Variants in SPO11 observed in about 807,000 individuals in gnomAD.
SPO11 encodes SPO11 initiator of meiotic double strand breaks.
In SPO11, 49 loss-of-function variants were observed where a neutral mutation model predicts 51.6. The observed-to-expected ratio is 0.95, with a 90% CI of 0.75 to 1.20. SPO11 has a LOEUF of 1.20. Among genes scored for constraint, SPO11 ranks in the 50% most tolerant of loss-of-function variants. The pLI is 0.00. For synonymous variants in SPO11, 176 were observed against 158.2 expected (o/e 1.11, Z -0.84); for missense variants, 431 against 473.4 (o/e 0.91, Z 0.83).
chr20:57,333,208 T>G lies in SPO11; in HGVS notation c.266T>G (p.Leu89Arg). The G allele has an allele frequency of 6.2e-7, 1 of 1,604,618 alleles. No individual in the cohort carries two copies. The highest frequency in any genetic ancestry group is 8.5e-7 in the Non-Finnish European group (1 of 1,177,562). The change falls in exon 3 of 13, where the codon CTT becomes CGT. Residue 89 changes from leucine (L) to arginine (R), a missense_variant. Leu to Arg is a moderately radical substitution (Grantham distance 102). Coordinates refer to ENST00000371263, the MANE Select transcript of SPO11 (RefSeq NM_012444.3). ...GACAGGTTTGAAGATTCTGTGGGTCTTCAGATGGTATCCCATTGCACCACC... is the reference window on the plus strand; with the variant it reads ...GACAGGTTTGAAGATTCTGTGGGTCGTCAGATGGTATCCCATTGCACCACC... ...ENIKFEDSVGLQMVSHCTTRK... is the reference protein window; with the variant it reads ...ENIKFEDSVGRQMVSHCTTRK...
At position 57,343,755 on chromosome 20, in the gene SPO11, C is replaced by T. The variant is rs2066611921; in HGVS notation, c.*295C>T. 5.6e-6 allele frequency: 1 copy of T among 178,388 alleles called. No homozygotes were observed. The highest frequency in any genetic ancestry group is 1.5e-4 in the East Asian group (1 of 6,558). The allele number at this position is 178,388 out of a possible 1,614,324, so 11.1% of individuals were successfully genotyped here. ...ATTTTTGAAAAAATAATATTTTATA[C>T]ATGTCATCAAAGTCTACAAAATATT... is the stretch of plus-strand genomic sequence containing the variant. On this transcript the variant is annotated 3_prime_UTR_variant, in exon 13 of 13. Coordinates refer to ENST00000371263, the MANE Select transcript of SPO11 (RefSeq NM_012444.3).
At position 57,329,906 on chromosome 20, in the gene SPO11, C is replaced by A; in HGVS notation, c.39C>A (p.Phe13Leu). ...CTATGGGGCCCGAGGCCTCGTTCTTCGACGTTTTGGACCGACACAGGGAGT... is the reference window on the plus strand; with the variant it reads ...CTATGGGGCCCGAGGCCTCGTTCTTAGACGTTTTGGACCGACACAGGGAGT... ...FAPMGPEASF[F>L]DVLDRHRESL... is the part of the protein sequence containing the mutation. Residue 13 changes from phenylalanine to leucine, a missense_variant, in exon 1 of 13, where the codon TTC (phenylalanine) becomes TTA (leucine). Physicochemically the swap from Phe to Leu is conservative, Grantham distance 22 (BLOSUM62 0). This residue lies in a region of SPO11 where 405 missense variants were observed against 425.9 expected (regional missense o/e 0.95). Coordinates refer to ENST00000371263, the MANE Select transcript of SPO11 (RefSeq NM_012444.3). 1 of 1,613,866 alleles carries A rather than the reference C, an allele frequency of 6.2e-7. No homozygotes were observed. The highest frequency in any genetic ancestry group is 8.5e-7 in the Non-Finnish European group (1 of 1,179,906).
rs185545661 is a variant in SPO11, at chr20:57,340,135, C to A, written c.916C>A (p.Pro306Thr). Reference protein sequence around the residue: ...MSFEAHHLTVPAIRWLGLLPS... With the variant: ...MSFEAHHLTVTAIRWLGLLPS... ...TTTTGAAGCTCATCATCTCACAGTT[C>A]CAGCTATTAGATGGCTTGGTCTTCT... Residue 306 changes from proline (P) to threonine (T), a missense_variant, in exon 11 of 13, where the codon CCA (proline) becomes ACA (threonine). Pro to Thr is a conservative substitution (Grantham distance 38). Transcript: ENST00000371263. 2.1e-5 allele frequency: 34 copies of A among 1,612,656 alleles called. No homozygotes were observed. In the Admixed American group the frequency reaches 3.2e-4, roughly 15 times the overall value.
intron 7 of SPO11, 99 bp from the exon 8 acceptor site, chr20:57,335,699 A>G: frequency 1.3e-6 from 1 of 761,834 alleles, no homozygotes; most frequent in African/African-American, 1.8e-5. Context: ...AAAATGTTGT[A>G]TCTATAGCTG....
In SPO11 at chr20:57,334,848, C is replaced by T. The variant is rs1240322269; in HGVS notation, c.597+12C>T. ...CCTGTGGTGCAACGGTAAGAAGCAT[C>T]ATTGAAGTTTTCACAGCTTTAACTC... On this transcript the variant is annotated intron_variant, in intron 6 of 12. Coordinates refer to ENST00000371263, the MANE Select transcript of SPO11 (RefSeq NM_012444.3). The T allele has an allele frequency of 6.2e-7, 1 of 1,610,962 alleles. No homozygotes were observed. Among genetic ancestry groups the T allele is most frequent in the Non-Finnish European group, 8.5e-7 (1 of 1,177,850 alleles).
intron 5 of SPO11, 57 bp downstream of exon 5, chr20:57,334,152 A>G (rs1484109443): frequency 3.2e-6 from 3 of 945,486 alleles, no homozygotes; most frequent in South Asian, 2.5e-5. Flanking sequence ...TGTATAAAAC[A>G]TAATTTTTTT....
In SPO11 at chr20:57,334,067, TA is replaced by T; in HGVS notation, c.486del (p.Val163CysfsTer15). On this transcript the variant is annotated frameshift_variant, in exon 5 of 13. Transcript: ENST00000371263. LOFTEE classifies it high-confidence loss of function. ...ATTATCAATGACATTTCTTGCATGT[TA>T]AAAGTGTCAAGGAGGAGTCTACATA... ...DNIINDISCM[L>X]KVSRRSLHIL... is the part of the protein sequence containing the mutation. 1 of 1,585,270 alleles carries T rather than the reference TA, an allele frequency of 6.3e-7. No homozygotes were observed. Among genetic ancestry groups the T allele is most frequent in the Non-Finnish European group, 8.6e-7 (1 of 1,162,886 alleles).
In SPO11 at chr20:57,335,398, TAAA is replaced by T. The variant is rs2066499358; in HGVS notation, c.598-18_598-16del. ...TGGTTATTTTGCTTTTTATGTAAGA[TAAA>T]AACTTTTTTTTTAAAAGGCTGTTGC... On this transcript the variant is annotated intron_variant, in intron 6 of 12. Transcript: ENST00000371263. 6.3e-7 allele frequency: 1 copy of T among 1,598,842 alleles called. No individual in the cohort carries two copies. The highest frequency in any genetic ancestry group is 8.5e-7 in the Non-Finnish European group (1 of 1,174,546).
At position 57,329,928 on chromosome 20, in the gene SPO11, G is replaced by A; in HGVS notation, c.61G>A (p.Glu21Lys). The change falls in exon 1 of 13, where the codon GAG becomes AAG. Residue 21 changes from glutamate to lysine, a missense_variant. Around this residue, in one of 3 missense-constraint regions of SPO11, gnomAD observed 405 missense variants for 425.9 expected, o/e 0.95. Coordinates refer to ENST00000371263, the MANE Select transcript of SPO11 (RefSeq NM_012444.3). ...CTTCGACGTTTTGGACCGACACAGG[G>A]AGTCCCTGCTGGCTGCCCTGAGGAG... ...SFFDVLDRHR[E>K]SLLAALRRGG... 2.5e-6 allele frequency: 4 copies of A among 1,613,808 alleles called. No individual in the cohort carries two copies. Among genetic ancestry groups the A allele is most frequent in the Non-Finnish European group, 3.4e-6 (4 of 1,179,924 alleles).
intron 3 of SPO11, 46 bp downstream of exon 3, chr20:57,333,322 T>G: frequency 7.3e-7 from 1 of 1,369,660 alleles, no homozygotes; most frequent in South Asian, 1.3e-5. Flanking sequence ...ATAAATAAAT[T>G]TTGTTATCTT....
rs1238340178 is a variant in SPO11 at position 57,338,994 on chromosome 20, G to T, written c.850G>T (p.Glu284Ter). The change falls in exon 10 of 13, where the codon GAA (glutamate) becomes TAA (stop). Residue 284 changes from glutamate to a stop codon, truncating the protein, a stop_gained. Coordinates refer to ENST00000371263, the MANE Select transcript of SPO11 (RefSeq NM_012444.3). LOFTEE classifies it high-confidence loss of function. ...TLVDADPHGI[E>*]IMCIYKYGSM... ...AGTTAACTTTCTTTTAACAGGCATA[G>T]AAATAATGTGCATCTATAAGTATGG... is the stretch of plus-strand genomic sequence containing the variant. 2.7e-6 allele frequency: 4 copies of T among 1,491,566 alleles called. No individual in the cohort carries two copies. Among genetic ancestry groups the T allele is most frequent in the Non-Finnish European group, 3.7e-6 (4 of 1,094,838 alleles). 92.4% of individuals were successfully genotyped at this position (1,491,566 alleles called of 1,614,324 possible).
intron 3 of SPO11, 78 bp downstream of exon 3, chr20:57,333,354 T>G: frequency 1.0e-6 from 1 of 998,996 alleles, no homozygotes; most frequent in Non-Finnish European, 1.5e-6. Context: ...TTGTTGCTAG[T>G]TAAATAATTT....
At position 57,335,868 on chromosome 20, in the gene SPO11, C is replaced by A. The variant is rs777722559; in HGVS notation, c.705C>A (p.Asp235Glu). ...CAACATTTCAGCGGCTCCTAGATGA[C>A]AACTTTTGCAACAAATTGTCTCCTT... is the stretch of plus-strand genomic sequence containing the variant. ...KDATFQRLLD[D>E]NFCNKLSPCI... is the part of the protein sequence containing the mutation. Residue 235 changes from aspartate (D) to glutamate (E), a missense_variant, in exon 8 of 13, where the codon GAC becomes GAA. Physicochemically the swap from Asp to Glu is conservative, Grantham distance 45. Around this residue, in one of 3 missense-constraint regions of SPO11, gnomAD observed 405 missense variants for 425.9 expected, o/e 0.95. Coordinates refer to ENST00000371263, the MANE Select transcript of SPO11 (RefSeq NM_012444.3). 1 of 1,612,546 alleles carries A rather than the reference C, an allele frequency of 6.2e-7. No individual in the cohort carries two copies. Among genetic ancestry groups the A allele is most frequent in the Non-Finnish European group, 8.5e-7 (1 of 1,179,048 alleles).
chr20:57,335,506 C>CATTA, intron 7 of SPO11, 51 bp downstream of exon 7: 1 of 1,548,370 alleles, frequency 6.5e-7, no homozygotes, highest in South Asian at 1.2e-5. Context: ...TTCATTCATT[C>CATTA]ATTAATTCCT....
Position 57,333,206 on chromosome 20 carries a change from T to C in SPO11, c.264T>C (p.Gly88=). 1 of 1,603,728 alleles carries C rather than the reference T, an allele frequency of 6.2e-7. No individual in the cohort carries two copies. Among genetic ancestry groups the C allele is most frequent in the South Asian group, 1.1e-5 (1 of 88,310 alleles). ...WENIKFEDSV[G]LQMVSHCTTR... ...ATGACAGGTTTGAAGATTCTGTGGG[T>C]CTTCAGATGGTATCCCATTGCACCA... The change falls in exon 3 of 13, where the codon GGT becomes GGC. Residue 88 remains glycine, a synonymous_variant. Coordinates refer to ENST00000371263, the MANE Select transcript of SPO11 (RefSeq NM_012444.3).
chr20:57,338,434 T>C, intron 9 of SPO11, 59 bp downstream of exon 9: 1 of 1,299,228 alleles, frequency 7.7e-7, no homozygotes, highest in Non-Finnish European at 1.1e-6. Flanking sequence ...TTTGTTGTTG[T>C]GTTTTCTTCC....
Position 57,333,371 on chromosome 20 carries a change from T to G in SPO11, c.334+95T>G, listed in dbSNP as rs1600678121. ...GTTGCTAGTTAAATAATTTTACCTGTTTTTAATAGATCACTTTCATACATA... is the reference window on the plus strand; with the variant it reads ...GTTGCTAGTTAAATAATTTTACCTGGTTTTAATAGATCACTTTCATACATA... On this transcript the variant is annotated intron_variant, in intron 3 of 12. Coordinates refer to ENST00000371263, the MANE Select transcript of SPO11 (RefSeq NM_012444.3). 8.3e-5 allele frequency: 68 copies of G among 821,384 alleles called. No individual in the cohort carries two copies. The East Asian group carries it at 1.8e-3, about 22-fold the overall frequency. 50.9% of individuals were successfully genotyped at this position (821,384 alleles called of 1,614,324 possible). A position where few individuals can be genotyped will look rare whatever the true frequency, so the allele number is the denominator to read the frequency against.
intron 5 of SPO11, among the ~76,000 whole-genome samples, chr20:57,334,335 T>C (rs1568758964): frequency 6.6e-6 from 1 of 152,056 alleles, no homozygotes; most frequent in Non-Finnish European, 1.5e-5. Context: ...TTTGTATTGT[T>C]AGTAGGGACT....
chr20:57,333,331 T>C (rs879796057), intron 3 of SPO11, 55 bp downstream of exon 3: 10 of 1,279,890 alleles, frequency 7.8e-6, no homozygotes, highest in Non-Finnish European at 1.1e-5. Context: ...TTTTGTTATC[T>C]TCTCAATTTT....
Sources: gnomAD v4.1 joint callset for allele counts (sites outside exome capture counted in the v4.1 genomes callset) on GRCh38, gnomAD v4.1.1 for gene constraint, gnomAD v4.1.1 regional missense constraint, MANE v1.5 for transcripts, NCBI Gene and HGNC (gene_info 2026-07-23, HGNC 2026-07-21) for gene names.